PTPN13: variants seen among roughly 807,000 people sequenced by gnomAD.
The protein encoded by PTPN13 is tyrosine-protein phosphatase non-receptor type 13.
In PTPN13, 191 loss-of-function variants were observed where a neutral mutation model predicts 284.0. The observed-to-expected ratio is 0.67, with a 90% CI of 0.60 to 0.76. The LOEUF (loss-of-function observed/expected upper bound fraction) is 0.76, where lower values mean the gene tolerates loss of function less well. PTPN13 is among the 30% of genes least tolerant of loss of function. The pLI, the probability that PTPN13 is intolerant of heterozygous loss-of-function variation, is 0.00. For missense variants in PTPN13, 2,797 were observed against 2,939.9 expected (o/e 0.95, Z 1.12); for synonymous variants, 986 against 1,022.3 (o/e 0.96, Z 0.68).
intron 6 of PTPN13, among the ~76,000 whole-genome samples, chr4:86,697,290 C>T (rs1366133743): frequency 1.3e-5 from 2 of 152,014 alleles, no homozygotes; most frequent in African/African-American, 4.8e-5. Flanking sequence ...CTCCTGACTA[C>T]AGGAGTAGTC....
chr4:86,680,395 A>C lies in PTPN13; in HGVS notation c.295-6315A>C, dbSNP rs558717955. 2.9e-4 allele frequency among the ~76,000 whole-genome samples: 39 copies of C among 135,396 alleles called. 1 individual carries two copies. The highest frequency in any genetic ancestry group is 1.0e-3 in the African/African-American group (38 of 36,694). 88.8% of individuals were successfully genotyped at this position (135,396 alleles called of 152,430 possible). Reference sequence around the variant, plus strand: ...TATCTATCTATCTATCTATCTATCTATCTATCTCTATCTCTATCTCTGTCT... The same window carrying C: ...TATCTATCTATCTATCTATCTATCTCTCTATCTCTATCTCTATCTCTGTCT... On this transcript the variant is annotated intron_variant, in intron 3 of 47. Coordinates refer to ENST00000411767, the MANE Select transcript of PTPN13 (RefSeq NM_080683.3).
chr4:86,726,416 G>A (rs1031200357), intron 10 of PTPN13, among the ~76,000 whole-genome samples: 4 of 149,194 alleles, frequency 2.7e-5, no homozygotes, highest in Non-Finnish European at 4.5e-5. Flanking sequence ...GGGCAGTATG[G>A]CCATTTTCAT....
intron 2 of PTPN13, among the ~76,000 whole-genome samples, chr4:86,636,558 C>T (rs535129016): frequency 5.3e-5 from 8 of 152,154 alleles, no homozygotes; most frequent in South Asian, 2.1e-4. Flanking sequence ...AAGTGTGGTA[C>T]CAGCAACATT....
At chr4:86,683,880 T>C (rs1434018166) in intron 3 of PTPN13, among the ~76,000 whole-genome samples, 1 of 152,200 alleles carries the variant, frequency 6.6e-6, no homozygotes, top group African/African-American at 2.4e-5. Context: ...TAGTCCTTTA[T>C]GCTAAAACTA....
intron 31 of PTPN13, 26 bp downstream of exon 31, chr4:86,771,561 T>A: frequency 6.6e-7 from 1 of 1,526,472 alleles, no homozygotes; most frequent in African/African-American, 1.4e-5. Context: ...TGTGAACCGC[T>A]CAAAGCAACT....
chr4:86,666,881 G>T (rs999559720), intron 2 of PTPN13, among the ~76,000 whole-genome samples: 1 of 152,180 alleles, frequency 6.6e-6, no homozygotes, highest in Non-Finnish European at 1.5e-5. Flanking sequence ...CAAAGAGAAG[G>T]GAAGATGGAG....
At chr4:86,776,026 A>G (rs1317044536) in intron 35 of PTPN13, among the ~76,000 whole-genome samples, 5 of 152,068 alleles carry the variant, frequency 3.3e-5, no homozygotes, top group Admixed American at 6.6e-5. Flanking sequence ...GCTCACTGCA[A>G]CCTCCGCCTC....
rs201566063 is a variant in PTPN13 at position 86,732,416 on chromosome 4, A to G, written c.1625A>G (p.Glu542Gly). The G allele has an allele frequency of 1.3e-4, 215 of 1,597,240 alleles. No homozygotes were observed. Among genetic ancestry groups the G allele is most frequent in the Non-Finnish European group, 1.7e-4 (203 of 1,170,556 alleles). ...QRKLRNFFGP[E>G]FVKMTIEPFI... ...GATTTGCAGAATTTCTTTGGCCCTG[A>G]GTTTGTGAAAATGACAATTGAACCA... The change falls in exon 11 of 48, where the codon GAG becomes GGG. Residue 542 changes from glutamate to glycine, a missense_variant. Coordinates refer to ENST00000411767, the MANE Select transcript of PTPN13 (RefSeq NM_080683.3).
chr4:86,620,270 A>G (rs950655257), intron 1 of PTPN13, among the ~76,000 whole-genome samples: 12 of 152,144 alleles, frequency 7.9e-5, no homozygotes, highest in African/African-American at 2.7e-4. Flanking sequence ...AGCTCAAGCA[A>G]TCCTCCCACC....
intron 27 of PTPN13, among the ~76,000 whole-genome samples, chr4:86,766,989 G>C (rs540514934): frequency 6.6e-5 from 10 of 151,982 alleles, no homozygotes; most frequent in Non-Finnish European, 1.3e-4. Context: ...GCGCAATCAC[G>C]GCTCACTGCA....
intron 15 of PTPN13, among the ~76,000 whole-genome samples, chr4:86,741,221 C>A (rs962208620): frequency 1.3e-5 from 2 of 152,204 alleles, no homozygotes; most frequent in African/African-American, 4.8e-5. Context: ...TACCAATCTA[C>A]TGTATTAGTC....
rs11937511 is a variant in PTPN13 at position 86,686,383 on chromosome 4, T to A, written c.295-327T>A. On this transcript the variant is annotated intron_variant, in intron 3 of 47. Coordinates refer to ENST00000411767, the MANE Select transcript of PTPN13 (RefSeq NM_080683.3). ...AAAAAAAAGCAAGGTGCCTAGTAAT[T>A]TTTAAGGTTTCTGACCTTTTATGAA... Among the ~76,000 whole-genome samples, 845 of 152,260 alleles carry A rather than the reference T, an allele frequency of 5.5e-3. 7 individuals are homozygous for A. The highest frequency in any genetic ancestry group is 0.018 in the African/African-American group (750 of 41,570).
chr4:86,688,215 A>ATAG (rs1729644105), intron 4 of PTPN13, among the ~76,000 whole-genome samples: 1 of 152,204 alleles, frequency 6.6e-6, no homozygotes, highest in East Asian at 1.9e-4. Context: ...GAAGTGGAAG[A>ATAG]GTCATAGGAA....
At chr4:86,665,538 A>G (rs188139578) in intron 2 of PTPN13, among the ~76,000 whole-genome samples, 51 of 152,192 alleles carry the variant, frequency 3.4e-4, no homozygotes, top group Non-Finnish European at 7.1e-4. Context: ...TTGATCGTCA[A>G]ATCTTAAAGC....
chr4:86,753,154 G>A lies in PTPN13; in HGVS notation c.3223+89G>A, dbSNP rs1334228431. 3.2e-6 allele frequency: 3 copies of A among 939,970 alleles called. No individual in the cohort carries two copies. The East Asian group carries it at 7.6e-5, about 24-fold the overall frequency. 58.2% of individuals were successfully genotyped at this position (939,970 alleles called of 1,614,324 possible). ...TGGACCTAACAATGAAGAGTCTTGAGTTCCATGCCTAGGATTTGATCTTAC... is the reference window on the plus strand; with the variant it reads ...TGGACCTAACAATGAAGAGTCTTGAATTCCATGCCTAGGATTTGATCTTAC... On this transcript the variant is annotated intron_variant, in intron 20 of 47. Transcript: ENST00000411767.
intron 30 of PTPN13, 85 bp from the exon 31 acceptor site, chr4:86,771,086 A>G: frequency 1.4e-6 from 2 of 1,396,662 alleles, no homozygotes; most frequent in Non-Finnish European, 1.9e-6. Flanking sequence ...ACTTTAGTAG[A>G]AAGTTGTTCA....
chr4:86,762,026 G>A (rs1738754968), intron 23 of PTPN13, among the ~76,000 whole-genome samples: 1 of 152,190 alleles, frequency 6.6e-6, no homozygotes, highest in African/African-American at 2.4e-5. Flanking sequence ...AGGCTGAAGT[G>A]CAGTAGCACA....
intron 38 of PTPN13, among the ~76,000 whole-genome samples, chr4:86,784,971 A>G (rs1251596852): frequency 6.6e-6 from 1 of 152,110 alleles, no homozygotes; most frequent in East Asian, 1.9e-4. Context: ...ATGCCTTGTG[A>G]AAAGCCGTAT....
intron 45 of PTPN13, among the ~76,000 whole-genome samples, chr4:86,808,176 C>G (rs1452733018): frequency 1.3e-5 from 2 of 152,128 alleles, no homozygotes. Flanking sequence ...TTGGTGATAG[C>G]ACAAAATGGC....
Sources: allele counts gnomAD v4.1 joint callset (sites outside exome capture counted in the v4.1 genomes callset), GRCh38; gene constraint gnomAD v4.1.1; transcripts MANE v1.5; gene names NCBI Gene and HGNC (gene_info 2026-07-23, HGNC 2026-07-21).